GPS1: variants seen among roughly 807,000 people sequenced by gnomAD.
GPS1 encodes the protein COP9 signalosome complex subunit 1.
A neutral mutation model predicts 60.0 loss-of-function variants in GPS1; 11 were observed. The ratio of observed to expected loss-of-function variants is 0.18; its 90% CI spans 0.12 to 0.30. GPS1 has a LOEUF of 0.30. GPS1 is among the 10% of genes least tolerant of loss of function. The pLI is 1.00. For synonymous variants in GPS1, 343 were observed against 269.8 expected (o/e 1.27, Z -2.66); for missense variants, 543 against 669.2 (o/e 0.81, Z 2.08).
chr17:82,055,585 C>G (rs1259933796), intron 6 of GPS1, 155 bp from the exon 7 acceptor site: 6 of 623,148 alleles, frequency 9.6e-6, no homozygotes, highest in Admixed American at 5.5e-5. Context: ...ACTAGAGTAT[C>G]TGTCCCCAGC....
chr17:82,055,706 C>T, intron 6 of GPS1, 34 bp from the exon 7 acceptor site: 1 of 1,318,042 alleles, frequency 7.6e-7, no homozygotes, highest in Non-Finnish European at 1.1e-6. Flanking sequence ...CTTACCCCCT[C>T]TCCCCCCTCC....
Position 82,057,188 on chromosome 17 carries a change from C to A in GPS1, c.*61C>A, listed in dbSNP as rs1356770986. Reference sequence around the variant, plus strand: ...CTCCCCACCTCCACGGACCTCGGACCTCCAGGCGGCTCAGTGCTGCCTGCG... The same window carrying A: ...CTCCCCACCTCCACGGACCTCGGACATCCAGGCGGCTCAGTGCTGCCTGCG... On this transcript the variant is annotated 3_prime_UTR_variant, in exon 13 of 13. Transcript: ENST00000578552. 19 of 1,577,658 alleles carry A rather than the reference C, an allele frequency of 1.2e-5. No individual in the cohort carries two copies. Among genetic ancestry groups the A allele is most frequent in the Non-Finnish European group, 1.6e-5 (19 of 1,156,690 alleles).
intron 1 of GPS1, 125 bp from the exon 2 acceptor site, chr17:82,053,149 C>T (rs1448378067): frequency 2.0e-5 from 13 of 655,962 alleles, no homozygotes; most frequent in East Asian, 3.5e-5. Flanking sequence ...ACAGCAGCGG[C>T]GGGAGTGTGG....
upstream of GPS1, chr17:82,051,826 GGCGGCCCCTTTAAGAACGCA>G: frequency 8.8e-7 from 1 of 1,133,574 alleles, no homozygotes; most frequent in East Asian, 4.2e-5. The surrounding 1 kb of genome is among the most constrained non-coding windows in gnomAD (Gnocchi z 4.1). Flanking sequence ...GTGGGTGGGC[GGCGGCCCCTTTAAGAACGCA>G]GCGGCCCCGC....
upstream of GPS1, chr17:82,050,942 G>A (rs2030446922): frequency 1.4e-6 from 2 of 1,422,056 alleles, no homozygotes; most frequent in South Asian, 1.5e-5. Flanking sequence ...TGGTGCCACC[G>A]AGGCTGAAGC....
chr17:82,053,948 G>A lies in GPS1; in HGVS notation c.207G>A (p.Thr69=). 6 of 1,612,916 alleles carry A rather than the reference G, an allele frequency of 3.7e-6. No homozygotes were observed. Among genetic ancestry groups the A allele is most frequent in the African/African-American group, 1.3e-5 (1 of 75,066 alleles). Residue 69 remains threonine (T), a synonymous_variant, in exon 3 of 13, where the codon ACG becomes ACA. Coordinates refer to ENST00000578552, the MANE Select transcript of GPS1 (RefSeq NM_001321092.3). ...RLQFIADHCP[T]LRVEALKMAL... ...AGTTCATTGCTGATCACTGCCCCAC[G>A]CTGCGGGTGGAGGCCCTGAAGATGG...
At chr17:82,054,410 G>C (rs2031987527) in intron 3 of GPS1, 100 bp from the exon 4 acceptor site, 2 of 1,396,380 alleles carry the variant, frequency 1.4e-6, no homozygotes. Context: ...CCACCTGTGT[G>C]CCGGTTGGGC....
Position 82,057,240 on chromosome 17 carries a change from G to T in GPS1, c.*113G>T. Reference sequence around the variant, plus strand: ...CCCAGCTAAGGGGCCTGGCCACTGGGTGCCACCCAGCCTGTGTGCCCTCCC... The same window carrying T: ...CCCAGCTAAGGGGCCTGGCCACTGGTTGCCACCCAGCCTGTGTGCCCTCCC... On this transcript the variant is annotated 3_prime_UTR_variant, in exon 13 of 13. Coordinates refer to ENST00000578552, the MANE Select transcript of GPS1 (RefSeq NM_001321092.3). 7.3e-7 allele frequency: 1 copy of T among 1,363,568 alleles called. No individual in the cohort carries two copies. The allele number at this position is 1,363,568 out of a possible 1,614,324, so 84.5% of individuals were successfully genotyped here. A position where few individuals can be genotyped will look rare whatever the true frequency, so the allele number is the denominator to read the frequency against.
intron 6 of GPS1, 40 bp from the exon 7 acceptor site, chr17:82,055,700 C>T (rs758859294): frequency 1.5e-5 from 19 of 1,275,912 alleles, no homozygotes; most frequent in Middle Eastern, 4.5e-4. Context: ...TGGGGTCTTA[C>T]CCCCTCTCCC....
At chr17:82,051,423 G>A, upstream of GPS1, 3 of 1,386,264 alleles carry the variant, frequency 2.2e-6, no homozygotes, top group East Asian at 3.0e-5. This position sits in a 1 kb window ranked among gnomAD's most constrained non-coding sequence, Gnocchi z 4.1. Flanking sequence ...GCCTCCGGGG[G>A]CCTGGGCCGG....
intron 5 of GPS1, 86 bp from the exon 6 acceptor site, chr17:82,055,076 C>T: frequency 6.3e-7 from 1 of 1,577,854 alleles, no homozygotes; most frequent in South Asian, 1.1e-5. Context: ...CTGAATCTGC[C>T]TTCATCCCCT....
chr17:82,053,401 A>C, intron 2 of GPS1, 35 bp downstream of exon 2: 1 of 1,404,972 alleles, frequency 7.1e-7, no homozygotes, highest in Non-Finnish European at 9.4e-7. Context: ...TGGGTGTCTC[A>C]GTCCTGCTGA....
At chr17:82,053,571 G>A (rs1447180035) in intron 2 of GPS1, 12 of 519,144 alleles carry the variant, frequency 2.3e-5, no homozygotes, top group Admixed American at 1.1e-4. Context: ...TCATGGAGAA[G>A]CCAGGGCAGG....
intron 1 of GPS1, 159 bp downstream of exon 1, chr17:82,052,123 C>T: frequency 6.6e-6 from 6 of 904,334 alleles, no homozygotes; most frequent in Non-Finnish European, 8.6e-6. Flanking sequence ...GCTGCAGGGC[C>T]GAGGGCGCGT....
At chr17:82,051,220 A>C (rs1389505247), upstream of GPS1, 2 of 1,308,572 alleles carry the variant, frequency 1.5e-6, no homozygotes, top group Non-Finnish European at 2.0e-6. The surrounding 1 kb of genome is among the most constrained non-coding windows in gnomAD (Gnocchi z 4.1). Context: ...ACAGCAGCGA[A>C]GGGGCCGTGG....
At chr17:82,051,227 G>A (rs912758921), upstream of GPS1, 1 of 1,317,144 alleles carries the variant, frequency 7.6e-7, no homozygotes, top group African/African-American at 1.5e-5. The surrounding 1 kb of genome is among the most constrained non-coding windows in gnomAD (Gnocchi z 4.1). Context: ...CGAAGGGGCC[G>A]TGGCTTCGGA....
Position 82,053,994 on chromosome 17 carries a change from A to G in GPS1, c.253A>G (p.Thr85Ala), listed in dbSNP as rs1172430701. 5 of 1,612,698 alleles carry G rather than the reference A, an allele frequency of 3.1e-6. No individual in the cohort carries two copies. The Admixed American group carries it at 5.0e-5, about 16-fold the overall frequency. Reference protein sequence around the residue: ...LKMALSFVQRTFNVDMYEEIH... With the variant: ...LKMALSFVQRAFNVDMYEEIH... ...GATGGCCCTCTCCTTCGTGCAGAGA[A>G]CCTTTAACGTGGACATGTACGAGGA... Residue 85 changes from threonine to alanine, a missense_variant, in exon 3 of 13, where the codon ACC becomes GCC. Around this residue, in one of 3 missense-constraint regions of GPS1, gnomAD observed 181 missense variants for 188.8 expected, o/e 0.96. Coordinates refer to ENST00000578552, the MANE Select transcript of GPS1 (RefSeq NM_001321092.3).
intron 2 of GPS1, 126 bp from the exon 3 acceptor site, chr17:82,053,742 G>C: frequency 1.1e-6 from 1 of 943,432 alleles, no homozygotes; most frequent in South Asian, 1.7e-5. Flanking sequence ...CCCATGCCCG[G>C]TTCTGGTTAT....
At chr17:82,055,504 C>T in intron 6 of GPS1, 1 of 607,554 alleles carries the variant, frequency 1.6e-6, no homozygotes, top group Non-Finnish European at 2.9e-6. Context: ...GCCCTGCTAG[C>T]ACCTAGGGCT....
Sources: gnomAD v4.1 joint callset for allele counts on GRCh38, gnomAD v4.1.1 for gene constraint, gnomAD v4.1.1 regional missense constraint, Gnocchi (gnomAD v3.1) non-coding constraint, MANE v1.5 for transcripts, NCBI Gene and HGNC (gene_info 2026-07-23, HGNC 2026-07-21) for gene names.